Variants in BICRA observed in about 807,000 individuals in gnomAD.
BICRA encodes BRD4 interacting chromatin remodeling complex associated protein, also known as BRD4-interacting chromatin-remodeling complex-associated protein.
In BICRA, 31 loss-of-function variants were observed where a neutral mutation model predicts 96.9. The observed-to-expected ratio is 0.32, with a 90% CI of 0.24 to 0.43. The LOEUF (loss-of-function observed/expected upper bound fraction) is 0.43, where lower values mean the gene tolerates loss of function less well. Ranked by LOEUF, BICRA falls within the 20% of genes least tolerant of loss-of-function variation. BICRA has a pLI of 1.00. For missense variants in BICRA, 2,283 were observed against 2,190.3 expected, an observed-to-expected ratio of 1.04 and a Z score of -0.84; for synonymous variants, 1,350 against 1,071.8, an observed-to-expected ratio of 1.26 and a Z score of -5.07.
At chr19:47,682,351 G>A (rs1973078513) in intron 7 of BICRA, among the ~76,000 whole-genome samples, 199 bp downstream of exon 7, 1 of 152,170 alleles carries the variant, frequency 6.6e-6, no homozygotes, top group African/African-American at 2.4e-5. Context: ...GAGCCCACGC[G>A]CTGCAGGAAT....
chr19:47,637,211 C>T (rs1003543370), intron 1 of BICRA, among the ~76,000 whole-genome samples: 1 of 151,886 alleles, frequency 6.6e-6, no homozygotes, highest in Non-Finnish European at 1.5e-5. Context: ...GCTTCACCTC[C>T]CGGGTTCACG....
In BICRA at chr19:47,680,135, G is replaced by A. The variant is rs753210782; in HGVS notation, c.965G>A (p.Gly322Glu). Residue 322 changes from glycine to glutamate, a missense_variant, in exon 6 of 15, where the codon GGA (glycine) becomes GAA (glutamate). Coordinates refer to ENST00000594866, the MANE Select transcript of BICRA (RefSeq NM_001394372.1). The part of the protein sequence containing the change: ...AASAPTGTPS[G>E]QPLAVAPGLG... Reference sequence around the variant, plus strand: ...TCGGCTCCCACCGGGACGCCCTCGGGACAGCCGCTGGCGGTGGCCCCAGGC... The same window carrying A: ...TCGGCTCCCACCGGGACGCCCTCGGAACAGCCGCTGGCGGTGGCCCCAGGC... The A allele has an allele frequency of 4.6e-6, 7 of 1,526,616 alleles. 1 individual carries two copies. The South Asian group carries it at 8.6e-5, about 19-fold the overall frequency. The allele number at this position is 1,526,616 out of a possible 1,614,324, so 94.6% of individuals were successfully genotyped here.
chr19:47,627,013 C>T (rs56163727), intron 1 of BICRA, among the ~76,000 whole-genome samples: 2,505 of 152,144 alleles, frequency 0.016, 71 homozygotes, highest in African/African-American at 0.053. Flanking sequence ...TGAGCCACCG[C>T]GCTTGGTCCA....
intron 5 of BICRA, chr19:47,678,852 C>T: frequency 4.8e-6 from 1 of 208,062 alleles, no homozygotes; most frequent in Non-Finnish European, 9.5e-6. Context: ...CCGGGTCCAG[C>T]CACTTGCAGG....
chr19:47,694,340 A>T lies in BICRA; in HGVS notation c.2509A>T (p.Ile837Phe). 1 of 942,254 alleles carries T rather than the reference A, an allele frequency of 1.1e-6. No homozygotes were observed. The highest frequency in any genetic ancestry group is 1.5e-6 in the Non-Finnish European group (1 of 677,082). The allele number at this position is 942,254 out of a possible 1,614,324, so 58.4% of individuals were successfully genotyped here. A position where few individuals can be genotyped will look rare whatever the true frequency, so the allele number is the denominator to read the frequency against. Residue 837 changes from isoleucine to phenylalanine, a missense_variant, in exon 8 of 15, where the codon ATC becomes TTC. Physicochemically the swap from Ile to Phe is conservative, Grantham distance 21 (BLOSUM62 0). Transcript: ENST00000594866. ...APPTLPGIFV[I>F]QNQLGVPPPA... ...CCCAACTCTGCCTGGCATCTTTGTC[A>T]TCCAAAACCAGCTAGGCGTTCCCCC... is the stretch of plus-strand genomic sequence containing the variant.
In BICRA at chr19:47,702,581, G is replaced by C. The variant is rs1177808753; in HGVS notation, c.*166G>C. ...TCCTTCCCTGCCGCCTGCTTCAGCT[G>C]GGTTGCTGGGGGGTGGGCGTGGATT... On this transcript the variant is annotated 3_prime_UTR_variant, in exon 15 of 15. Coordinates refer to ENST00000594866, the MANE Select transcript of BICRA (RefSeq NM_001394372.1). 1.3e-6 allele frequency: 1 copy of C among 783,036 alleles called. No individual in the cohort carries two copies. The highest frequency in any genetic ancestry group is 1.9e-6 in the Non-Finnish European group (1 of 534,542). 48.5% of individuals were successfully genotyped at this position (783,036 alleles called of 1,614,324 possible).
In BICRA at chr19:47,701,317, C is replaced by G. The variant is rs951311608; in HGVS notation, c.3596-11C>G. The G allele has an allele frequency of 2.5e-6, 4 of 1,605,082 alleles. No homozygotes were observed. In the African/African-American group the frequency reaches 4.0e-5, roughly 16 times the overall value. ...CTAACCCCGCGGGTTTTCTTTGCCC[C>G]GATTCTGCAGACGAGTACGTGTCTT... On this transcript the variant is annotated splice_polypyrimidine_tract_variant and intron_variant, in intron 14 of 14. Transcript: ENST00000594866. This position sits in a 1 kb window ranked among gnomAD's most constrained non-coding sequence, Gnocchi z 5.4.
Position 47,698,936 on chromosome 19 carries a change from C to T in BICRA, c.3398-29C>T, listed in dbSNP as rs369019102. On this transcript the variant is annotated intron_variant, in intron 12 of 14. Coordinates refer to ENST00000594866, the MANE Select transcript of BICRA (RefSeq NM_001394372.1). This position sits in a 1 kb window ranked among gnomAD's most constrained non-coding sequence, Gnocchi z 4.8. ...CATCCGCGGCCGCCCCCAACATCTC[C>T]GCCCTTGCCTCTCTTCCCTTCCTCG... 7.9e-6 allele frequency: 12 copies of T among 1,526,876 alleles called. No individual in the cohort carries two copies. Among genetic ancestry groups the T allele is most frequent in the South Asian group, 3.6e-5 (3 of 84,250 alleles). The allele number at this position is 1,526,876 out of a possible 1,614,324, so 94.6% of individuals were successfully genotyped here.
At chr19:47,640,410 A>C (rs756419155) in intron 1 of BICRA, among the ~76,000 whole-genome samples, 7 of 151,996 alleles carry the variant, frequency 4.6e-5, no homozygotes, top group Non-Finnish European at 1.0e-4. Context: ...TGTGCCTGTA[A>C]TCCCAGCTAC....
At chr19:47,621,538 A>G (rs1972064672) in intron 1 of BICRA, among the ~76,000 whole-genome samples, 2 of 145,608 alleles carry the variant, frequency 1.4e-5, no homozygotes, top group Admixed American at 1.4e-4. Flanking sequence ...CAATGGTGCT[A>G]TCTTGGCTCA....
At position 47,695,106 on chromosome 19, in the gene BICRA, C is replaced by T. The variant is rs112674917; in HGVS notation, c.3076+26C>T. On this transcript the variant is annotated intron_variant, in intron 9 of 14. Transcript: ENST00000594866. ...GTAGGAGAGAGGTCGCCTATGTGCCCAGGGAGACGGGGCCTGAAGATGGGT... is the reference window on the plus strand; with the variant it reads ...GTAGGAGAGAGGTCGCCTATGTGCCTAGGGAGACGGGGCCTGAAGATGGGT... 3.6e-4 allele frequency: 522 copies of T among 1,451,122 alleles called. 3 individuals carry two copies. In the African/African-American group the frequency reaches 6.9e-3, roughly 19 times the overall value. 89.9% of individuals were successfully genotyped at this position (1,451,122 alleles called of 1,614,324 possible).
At chr19:47,681,884 C>G in intron 6 of BICRA, 92 bp from the exon 7 acceptor site, 2 of 901,020 alleles carry the variant, frequency 2.2e-6, no homozygotes, top group Admixed American at 5.4e-5. Flanking sequence ...CTCTGGAACC[C>G]TGGGAGCGTC....
chr19:47,661,012 A>G (rs981878565), intron 1 of BICRA, among the ~76,000 whole-genome samples: 3 of 152,082 alleles, frequency 2.0e-5, no homozygotes, highest in Non-Finnish European at 4.4e-5. Context: ...GATTGAGACT[A>G]TCCTGGCTAA....
In BICRA at chr19:47,680,451, A is replaced by G. The variant is rs1973023061; in HGVS notation, c.1281A>G (p.Pro427=). ...PALQANVFKQ[P]PATTTGAAPP... ...TGCAAGCGAACGTCTTCAAGCAGCC[A>G]CCGGCCACCACCACCGGAGCGGCCC... is the stretch of plus-strand genomic sequence containing the variant. Residue 427 remains proline (P), a synonymous_variant, in exon 6 of 15, where the codon CCA becomes CCG. Transcript: ENST00000594866. 1.9e-6 allele frequency: 3 copies of G among 1,539,218 alleles called. No individual in the cohort carries two copies. The South Asian group carries it at 3.6e-5, about 18-fold the overall frequency.
In BICRA at chr19:47,702,085, C is replaced by T. The variant is rs1279250579; in HGVS notation, c.4353C>T (p.Pro1451=). 2.0e-6 allele frequency: 3 copies of T among 1,513,162 alleles called. No individual in the cohort carries two copies. The highest frequency in any genetic ancestry group is 1.2e-5 in the South Asian group (1 of 81,194). 93.7% of individuals were successfully genotyped at this position (1,513,162 alleles called of 1,614,324 possible). The part of the protein sequence containing the change: ...QRMLKGPPPE[P]AASAAQGTGD... ...TGCTGAAGGGCCCCCCGCCAGAGCC[C>T]GCAGCCAGCGCCGCCCAAGGCACCG... Residue 1451 remains proline (P), a synonymous_variant, in exon 15 of 15, where the codon CCC becomes CCT. Transcript: ENST00000594866.
chr19:47,638,913 C>G (rs1030252885), intron 1 of BICRA, among the ~76,000 whole-genome samples: 3 of 152,162 alleles, frequency 2.0e-5, no homozygotes, highest in Non-Finnish European at 2.9e-5. Context: ...CCCTGGCCTC[C>G]CAAAGTTCTG....
intron 1 of BICRA, among the ~76,000 whole-genome samples, chr19:47,669,240 G>C (rs901527712): frequency 6.6e-5 from 10 of 152,128 alleles, no homozygotes; most frequent in African/African-American, 2.4e-4. Context: ...CTTCAGGTGG[G>C]AGTTATAGTC....
At chr19:47,689,003 T>C (rs1487077276) in intron 7 of BICRA, among the ~76,000 whole-genome samples, 1 of 151,916 alleles carries the variant, frequency 6.6e-6, no homozygotes, top group Non-Finnish European at 1.5e-5. Context: ...AATTTTTGTA[T>C]TTTTAGAGAG....
intron 1 of BICRA, among the ~76,000 whole-genome samples, chr19:47,624,325 A>G (rs989591062): frequency 2.6e-5 from 4 of 152,072 alleles, no homozygotes; most frequent in Non-Finnish European, 4.4e-5. Context: ...TTCCCCTGCT[A>G]CAAGCATACC....
Sources: allele counts gnomAD v4.1 joint callset (sites outside exome capture counted in the v4.1 genomes callset), GRCh38; gene constraint gnomAD v4.1.1; non-coding constraint Gnocchi (gnomAD v3.1); transcripts MANE v1.5; gene names NCBI Gene and HGNC (gene_info 2026-07-23, HGNC 2026-07-21).